DCUN1D1: variants seen among roughly 807,000 people sequenced by gnomAD.
DCUN1D1 encodes DCN1-like protein 1.
A neutral mutation model predicts 39.0 loss-of-function variants in DCUN1D1; 3 were observed. That is an observed-to-expected ratio of 0.08 (90% CI 0.04 to 0.20). The LOEUF (loss-of-function observed/expected upper bound fraction) is 0.20, where lower values mean the gene tolerates loss of function less well. DCUN1D1 is among the 10% of genes least tolerant of loss of function. The pLI, the probability that DCUN1D1 is intolerant of heterozygous loss-of-function variation, is 1.00. For synonymous variants in DCUN1D1, 82 were observed against 96.3 expected, an observed-to-expected ratio of 0.85 and a Z score of 0.87; for missense variants, 158 against 302.4, an observed-to-expected ratio of 0.52 and a Z score of 3.54.
At chr3:182,967,275 G>A (rs1727720133) in intron 1 of DCUN1D1, among the ~76,000 whole-genome samples, 1 of 151,696 alleles carries the variant, frequency 6.6e-6, no homozygotes, top group African/African-American at 2.4e-5. Flanking sequence ...TAACCAGAAG[G>A]TTAAGGCATT....
At position 182,944,009 on chromosome 3, in the gene DCUN1D1, T is replaced by C. The variant is rs1206611723; in HGVS notation, c.*1085A>G. The C allele has an allele frequency of 6.6e-6, 1 of 152,572 alleles. No individual in the cohort carries two copies. The highest frequency in any genetic ancestry group is 1.5e-5 in the Non-Finnish European group (1 of 68,012). 9.5% of individuals were successfully genotyped at this position (152,572 alleles called of 1,614,324 possible). A position where few individuals can be genotyped will look rare whatever the true frequency, so the allele number is the denominator to read the frequency against. On this transcript the variant is annotated 3_prime_UTR_variant, in exon 7 of 7. Coordinates refer to ENST00000292782, the MANE Select transcript of DCUN1D1 (RefSeq NM_020640.4). Reference sequence around the variant, plus strand: ...CAACAAAATAATAAGTCATCGAAAATGGACTATTTGTCTGAAAGAGCAGTA... The same window carrying C: ...CAACAAAATAATAAGTCATCGAAAACGGACTATTTGTCTGAAAGAGCAGTA...
chr3:182,983,124 C>T (rs761010878), upstream of DCUN1D1, among the ~76,000 whole-genome samples: 19 of 152,220 alleles, frequency 1.2e-4, no homozygotes, highest in Non-Finnish European at 2.8e-4. Flanking sequence ...CTCCTCTGAT[C>T]TATCCATTCC....
At position 182,943,165 on chromosome 3, in the gene DCUN1D1, C is replaced by T. The variant is rs1726220449; in HGVS notation, c.*1929G>A. 8.0e-6 allele frequency: 1 copy of T among 124,384 alleles called. No individual in the cohort carries two copies. The highest frequency in any genetic ancestry group is 2.5e-4 in the South Asian group (1 of 4,000). The allele number at this position is 124,384 out of a possible 1,614,324, so 7.7% of individuals were successfully genotyped here. ...AATGGGATCTCATTTCAAAACACAGCATATGTGAATTAATCAATCTGAAAC... is the reference window on the plus strand; with the variant it reads ...AATGGGATCTCATTTCAAAACACAGTATATGTGAATTAATCAATCTGAAAC... On this transcript the variant is annotated 3_prime_UTR_variant, in exon 7 of 7. Coordinates refer to ENST00000292782, the MANE Select transcript of DCUN1D1 (RefSeq NM_020640.4).
Position 182,942,385 on chromosome 3 carries a change from G to C in DCUN1D1, c.*2709C>G, listed in dbSNP as rs1726178775. The C allele has an allele frequency of 6.6e-6, 1 of 152,084 alleles. No individual in the cohort carries two copies. The highest frequency in any genetic ancestry group is 2.4e-5 in the African/African-American group (1 of 41,418). The allele number at this position is 152,084 out of a possible 1,614,324, so 9.4% of individuals were successfully genotyped here. ...ATTTAGTCATGGCAATTTCACTGCA[G>C]CTTTTATTGCCTCTGTTGGTAATAT... On this transcript the variant is annotated 3_prime_UTR_variant, in exon 7 of 7. Transcript: ENST00000292782.
At chr3:182,972,751 A>C (rs975632240) in intron 1 of DCUN1D1, among the ~76,000 whole-genome samples, 11 of 151,828 alleles carry the variant, frequency 7.2e-5, no homozygotes, top group African/African-American at 1.9e-4. Flanking sequence ...ACAACAACAA[A>C]AAAAAGAGGC....
At chr3:182,967,104 C>T (rs897423643) in intron 1 of DCUN1D1, among the ~76,000 whole-genome samples, 3 of 147,074 alleles carry the variant, frequency 2.0e-5, no homozygotes, top group African/African-American at 5.2e-5. Context: ...CGAGGCTTCA[C>T]CTCCAAACAA....
intron 4 of DCUN1D1, chr3:182,956,311 C>A: frequency 3.8e-6 from 1 of 263,956 alleles, no homozygotes; most frequent in South Asian, 5.1e-5. Context: ...AGCTCATCAC[C>A]AAAACCCCAA....
In DCUN1D1 at chr3:182,939,668, T is replaced by G. The variant is rs1223864471; in HGVS notation, c.*5426A>C. On this transcript the variant is annotated 3_prime_UTR_variant, in exon 7 of 7. Coordinates refer to ENST00000292782, the MANE Select transcript of DCUN1D1 (RefSeq NM_020640.4). Reference sequence around the variant, plus strand: ...AGGGTAAATCTGTACAGAAAGCAGATCAGTGTGGCTGCGTGGGGCTGGAGG... The same window carrying G: ...AGGGTAAATCTGTACAGAAAGCAGAGCAGTGTGGCTGCGTGGGGCTGGAGG... 1 of 152,180 alleles carries G rather than the reference T, an allele frequency of 6.6e-6. No homozygotes were observed. The highest frequency in any genetic ancestry group is 1.5e-5 in the Non-Finnish European group (1 of 68,018). The allele number at this position is 152,180 out of a possible 1,614,324, so 9.4% of individuals were successfully genotyped here. A position where few individuals can be genotyped will look rare whatever the true frequency, so the allele number is the denominator to read the frequency against.
chr3:182,949,061 A>G (rs1726569512), intron 4 of DCUN1D1, among the ~76,000 whole-genome samples: 1 of 151,802 alleles, frequency 6.6e-6, no homozygotes, highest in South Asian at 2.1e-4. Flanking sequence ...AAAAAAAAAA[A>G]ACAAGGAACA....
rs113566850 is a variant in DCUN1D1 at position 182,947,639 on chromosome 3, T to C, written c.521-7A>G. 49 of 1,472,052 alleles carry C rather than the reference T, an allele frequency of 3.3e-5. No homozygotes were observed. The highest frequency in any genetic ancestry group is 3.1e-4 in the African/African-American group (22 of 71,048). The allele number at this position is 1,472,052 out of a possible 1,614,324, so 91.2% of individuals were successfully genotyped here. ...GCAATGGCCATTTCTAGATCTGAAA[T>C]AGTAAAAATGAATTATGTATTTAAA... On this transcript the variant is annotated splice_region_variant and splice_polypyrimidine_tract_variant and intron_variant, in intron 4 of 6. Transcript: ENST00000292782.
chr3:182,955,367 T>C, intron 4 of DCUN1D1: 1 of 540,568 alleles, frequency 1.8e-6, no homozygotes, highest in Non-Finnish European at 3.7e-6. Flanking sequence ...TCTCTGTTTT[T>C]CCTGGTTCTT....
chr3:182,955,488 A>C (rs769439131), intron 4 of DCUN1D1: 4 of 534,954 alleles, frequency 7.5e-6, no homozygotes, highest in Non-Finnish European at 1.5e-5. Context: ...GTCTTTTGTA[A>C]ACATTTAACA....
chr3:182,961,242 TG>T lies in DCUN1D1; in HGVS notation c.503del (p.Pro168GlnfsTer6). 1 of 1,552,618 alleles carries T rather than the reference TG, an allele frequency of 6.4e-7. No homozygotes were observed. The highest frequency in any genetic ancestry group is 1.4e-5 in the African/African-American group (1 of 72,976). On this transcript the variant is annotated frameshift_variant, in exon 4 of 7. Coordinates refer to ENST00000292782, the MANE Select transcript of DCUN1D1 (RefSeq NM_020640.4). LOFTEE classifies it high-confidence loss of function. ...YQFTFNFAKN[P>X]GQKGLDLEMA... is the part of the protein sequence containing the mutation. ...AATTCTTACCTAATCCTTTTTGTCC[TG>T]GATTCTTTGCAAAATTAAAAGTAAA... is the stretch of plus-strand genomic sequence containing the variant.
upstream of DCUN1D1, among the ~76,000 whole-genome samples, chr3:182,984,894 AACTATAC>A (rs1728677305): frequency 6.6e-6 from 1 of 152,142 alleles, no homozygotes; most frequent in Non-Finnish European, 1.5e-5. Flanking sequence ...CTGCAGGGTA[AACTATAC>A]ACAGACACAG....
chr3:182,965,933 A>C (rs1727644895), intron 1 of DCUN1D1, among the ~76,000 whole-genome samples, 180 bp from the exon 2 acceptor site: 1 of 152,138 alleles, frequency 6.6e-6, no homozygotes, highest in South Asian at 2.1e-4. Context: ...AAAAAATATG[A>C]AACAGAAAAT....
In DCUN1D1 at chr3:182,942,973, C is replaced by T. The variant is rs1420240285; in HGVS notation, c.*2121G>A. Reference sequence around the variant, plus strand: ...TTATGTATTTTTGTTTATAATTACACAGTAATTATAAATGTTTAGTACCAA... The same window carrying T: ...TTATGTATTTTTGTTTATAATTACATAGTAATTATAAATGTTTAGTACCAA... On this transcript the variant is annotated 3_prime_UTR_variant, in exon 7 of 7. Transcript: ENST00000292782. 1 of 151,624 alleles carries T rather than the reference C, an allele frequency of 6.6e-6. No individual in the cohort carries two copies. Among genetic ancestry groups the T allele is most frequent in the Non-Finnish European group, 1.5e-5 (1 of 67,804 alleles). 9.4% of individuals were successfully genotyped at this position (151,624 alleles called of 1,614,324 possible).
rs1242137703 is a variant in DCUN1D1 at position 182,941,598 on chromosome 3, T to G, written c.*3496A>C. On this transcript the variant is annotated 3_prime_UTR_variant, in exon 7 of 7. Transcript: ENST00000292782. ...TTTATCATTACATTATCAAATTTGA[T>G]AAAATCTTATGAAAACATCTAAGTA... is the stretch of plus-strand genomic sequence containing the variant. 6.6e-6 allele frequency: 1 copy of G among 152,114 alleles called. No individual in the cohort carries two copies. Among genetic ancestry groups the G allele is most frequent in the East Asian group, 1.9e-4 (1 of 5,204 alleles). 9.4% of individuals were successfully genotyped at this position (152,114 alleles called of 1,614,324 possible).
upstream of DCUN1D1, among the ~76,000 whole-genome samples, chr3:182,983,441 C>T (rs967291515): frequency 5.9e-5 from 9 of 152,216 alleles, no homozygotes; most frequent in East Asian, 3.9e-4. Flanking sequence ...CTAGGCCAGG[C>T]GCAGTGGCTC....
chr3:182,961,724 GTAAT>G (rs1727407168), intron 3 of DCUN1D1, among the ~76,000 whole-genome samples: 1 of 152,184 alleles, frequency 6.6e-6, no homozygotes, highest in Admixed American at 6.5e-5. Flanking sequence ...TACTGACACA[GTAAT>G]TAATCGCGTC....
Sources: allele counts gnomAD v4.1 joint callset (sites outside exome capture counted in the v4.1 genomes callset), GRCh38; gene constraint gnomAD v4.1.1; transcripts MANE v1.5; gene names NCBI Gene and HGNC (gene_info 2026-07-23, HGNC 2026-07-21).